LARGE1: variants seen among roughly 807,000 people sequenced by gnomAD.
The protein encoded by LARGE1 is xylosyl- and glucuronyltransferase LARGE1.
A neutral mutation model predicts 87.6 loss-of-function variants in LARGE1; 43 were observed. The observed-to-expected ratio is 0.49, with a 90% confidence interval of 0.38 to 0.63. The LOEUF (loss-of-function observed/expected upper bound fraction) is 0.63, where lower values mean the gene tolerates loss of function less well. Ranked by LOEUF, LARGE1 falls within the 30% of genes least tolerant of loss-of-function variation. LARGE1 has a pLI of 0.00. For missense variants in LARGE1, 802 were observed against 1,000.2 expected, an observed-to-expected ratio of 0.80 and a Z score of 2.67; for synonymous variants, 434 against 394.6, an observed-to-expected ratio of 1.10 and a Z score of -1.18.
rs181881681 is a variant in LARGE1 at position 33,864,251 on chromosome 22, A to G, written c.-83+55744T>C. On this transcript the variant is annotated intron_variant, in intron 1 of 14. Coordinates refer to ENST00000397394, the MANE Select transcript of LARGE1 (RefSeq NM_133642.5). ...CTTCAATAATCCTGGAGCCCCCATCAGTGCCTACCATGGAGCTAGGACCCA... is the reference window on the plus strand; with the variant it reads ...CTTCAATAATCCTGGAGCCCCCATCGGTGCCTACCATGGAGCTAGGACCCA... 4.6e-3 allele frequency among the ~76,000 whole-genome samples: 697 copies of G among 152,302 alleles called. 6 individuals carry two copies. Among genetic ancestry groups the G allele is most frequent in the Middle Eastern group, 0.014 (4 of 294 alleles).
intron 2 of LARGE1, among the ~76,000 whole-genome samples, chr22:33,703,069 A>G (rs240083): frequency 6.6e-6 from 1 of 151,874 alleles, no homozygotes; most frequent in Non-Finnish European, 1.5e-5. Flanking sequence ...AAAACCATCA[A>G]CCTCAACAAA....
At chr22:33,585,795 A>C (rs951048933) in intron 5 of LARGE1, among the ~76,000 whole-genome samples, 9 of 152,200 alleles carry the variant, frequency 5.9e-5, no homozygotes, top group Non-Finnish European at 1.0e-4. Flanking sequence ...GTAGCTGCAC[A>C]AAGGGATGTA....
chr22:33,695,680 C>T (rs185762735), intron 2 of LARGE1, among the ~76,000 whole-genome samples: 2 of 152,232 alleles, frequency 1.3e-5, no homozygotes, highest in African/African-American at 4.8e-5. Flanking sequence ...ACTTCCTAGG[C>T]ATTTTAATAT....
At chr22:33,533,273 T>C (rs2076948638) in intron 6 of LARGE1, among the ~76,000 whole-genome samples, 1 of 152,208 alleles carries the variant, frequency 6.6e-6, no homozygotes, top group African/African-American at 2.4e-5. Flanking sequence ...TTCTAATAGC[T>C]GCCTGACAAT....
the LARGE1 span, among the ~76,000 whole-genome samples, chr22:33,087,817 C>T: frequency 6.6e-6 from 1 of 152,052 alleles, no homozygotes; most frequent in Non-Finnish European, 1.5e-5. Context: ...TGCCTGTAAT[C>T]CCAGCTACTC....
At chr22:33,342,056 T>C (rs115555141) in intron 9 of LARGE1, among the ~76,000 whole-genome samples, 100 of 152,340 alleles carry the variant, frequency 6.6e-4, no homozygotes, top group African/African-American at 2.4e-3. Context: ...TGTGCTTTTC[T>C]TCTTGTGCCT....
At chr22:33,406,707 T>C (rs893257809) in intron 7 of LARGE1, among the ~76,000 whole-genome samples, 2 of 152,216 alleles carry the variant, frequency 1.3e-5, no homozygotes, top group African/African-American at 4.8e-5. Context: ...GGAGTGGAAT[T>C]TGGGGCCTCA....
At chr22:33,236,450 T>C (rs1926256493) in intron 11 of LARGE1, among the ~76,000 whole-genome samples, 1 of 152,220 alleles carries the variant, frequency 6.6e-6, no homozygotes, top group Non-Finnish European at 1.5e-5. Flanking sequence ...TTTCTGTTCA[T>C]GACTGTGTGT....
At chr22:33,567,314 A>G (rs986549558) in intron 5 of LARGE1, among the ~76,000 whole-genome samples, 4 of 152,242 alleles carry the variant, frequency 2.6e-5, no homozygotes, top group African/African-American at 9.6e-5. Flanking sequence ...ATTAAATTAT[A>G]TTAAAGGACT....
At chr22:33,199,205 G>GT (rs572564149) in intron 11 of LARGE1, among the ~76,000 whole-genome samples, 10,001 of 98,950 alleles carry the variant, frequency 0.1, 984 homozygotes, top group African/African-American at 0.32. Context: ...GCTGTTTGAG[G>GT]TTTTTTTTTT....
chr22:33,375,468 T>C (rs2064960574), intron 9 of LARGE1, among the ~76,000 whole-genome samples: 3 of 150,998 alleles, frequency 2.0e-5, no homozygotes. Context: ...GCATACATGG[T>C]GAAACTCTGT....
intron 6 of LARGE1, among the ~76,000 whole-genome samples, chr22:33,516,137 C>G (rs1419201587): frequency 6.6e-6 from 1 of 152,132 alleles, no homozygotes; most frequent in African/African-American, 2.4e-5. Context: ...ATGGCGGAGG[C>G]CCCTCTGCTA....
At position 33,712,380 on chromosome 22, in the gene LARGE1, CG is replaced by C. The variant is rs2082758093; in HGVS notation, c.106+48990del. ...CAGCCTTCAGGCAGGCACGAGAAGA[CG>C]GATCACAGGCTCGAAGGCTTCTAGA... On this transcript the variant is annotated intron_variant, in intron 2 of 14. Transcript: ENST00000397394. 3.9e-5 allele frequency among the ~76,000 whole-genome samples: 6 copies of C among 152,188 alleles called. No homozygotes were observed. The South Asian group carries it at 1.2e-3, about 32-fold the overall frequency.
At chr22:33,182,925 A>G (rs1317199410) in intron 11 of LARGE1, among the ~76,000 whole-genome samples, 2 of 152,204 alleles carry the variant, frequency 1.3e-5, no homozygotes, top group African/African-American at 4.8e-5. Context: ...TGGATCTGAT[A>G]CCAAGGGCAC....
intron 6 of LARGE1, among the ~76,000 whole-genome samples, chr22:33,491,062 C>T (rs2069818944): frequency 1.3e-5 from 2 of 152,202 alleles, no homozygotes; most frequent in East Asian, 3.9e-4. Flanking sequence ...CAGCCAGACA[C>T]ATCTTTGTTT....
chr22:33,657,658 C>G (rs1201482822), intron 2 of LARGE1, among the ~76,000 whole-genome samples: 1 of 152,080 alleles, frequency 6.6e-6, no homozygotes, highest in Non-Finnish European at 1.5e-5. Flanking sequence ...TTGTGTGGGT[C>G]TCCTGGGCTA....
chr22:33,579,476 T>A (rs2078450092), intron 5 of LARGE1, among the ~76,000 whole-genome samples: 1 of 152,204 alleles, frequency 6.6e-6, no homozygotes, highest in South Asian at 2.1e-4. Context: ...CTCAGCCTTC[T>A]AAAACTAACG....
chr22:33,498,027 C>T (rs1188961777), intron 6 of LARGE1, among the ~76,000 whole-genome samples: 2 of 152,192 alleles, frequency 1.3e-5, no homozygotes, highest in Middle Eastern at 3.4e-3. Context: ...TGATTACAGA[C>T]GTGTAACACC....
intron 6 of LARGE1, chr22:33,563,405 C>A (rs991162139): frequency 3.3e-5 from 5 of 152,280 alleles, no homozygotes; most frequent in African/African-American, 1.2e-4. Context: ...CACTGCTTCA[C>A]ACCCAGTAGG....
Sources: allele counts gnomAD v4.1 joint callset (sites outside exome capture counted in the v4.1 genomes callset), GRCh38; gene constraint gnomAD v4.1.1; transcripts MANE v1.5; gene names NCBI Gene and HGNC (gene_info 2026-07-23, HGNC 2026-07-21).